CDH13: variants seen among roughly 807,000 people sequenced by gnomAD.
CDH13 encodes the protein cadherin 13.
A neutral mutation model predicts 63.8 loss-of-function variants in CDH13; 24 were observed. That is an observed-to-expected ratio of 0.38 (90% CI 0.27 to 0.53). CDH13 has a LOEUF of 0.53. CDH13 is among the 20% of genes least tolerant of loss of function. CDH13 has a pLI of 0.85. For missense variants in CDH13, 1,049 were observed against 903.1 expected (o/e 1.16, Z -2.07); for synonymous variants, 503 against 355.3 (o/e 1.42, Z -4.67).
chr16:82,821,880 C>G (rs948358173), intron 1 of CDH13, among the ~76,000 whole-genome samples: 4 of 152,196 alleles, frequency 2.6e-5, no homozygotes, highest in Non-Finnish European at 5.9e-5. Flanking sequence ...TGTATGGTCC[C>G]CTTGGACCAT....
At chr16:82,866,598 C>T (rs1364737030) in intron 2 of CDH13, among the ~76,000 whole-genome samples, 1 of 151,802 alleles carries the variant, frequency 6.6e-6, no homozygotes, top group African/African-American at 2.4e-5. Flanking sequence ...CCATGCTGGC[C>T]AGACTGGTCT....
intron 1 of CDH13, among the ~76,000 whole-genome samples, chr16:82,627,679 G>A (rs1370277918): frequency 6.6e-6 from 1 of 152,078 alleles, no homozygotes; most frequent in Admixed American, 6.5e-5. Context: ...CCGCTGGAAG[G>A]CGCCTCGGGG....
intron 3 of CDH13, among the ~76,000 whole-genome samples, chr16:83,080,984 C>G (rs181013576): frequency 7.4e-6 from 1 of 136,010 alleles, no homozygotes; most frequent in Non-Finnish European, 1.5e-5. Flanking sequence ...CAGGTTCAAA[C>G]GATTCCCCTG....
rs571295273 is a variant in CDH13 at position 83,798,619 on chromosome 16, T to G, written c.*3589T>G. On this transcript the variant is annotated 3_prime_UTR_variant, in exon 14 of 14. Coordinates refer to ENST00000567109, the MANE Select transcript of CDH13 (RefSeq NM_001257.5). ...AGGCTATCTGGCTCCAGGGTTCATG[T>G]TCTTCCGACAACATCACAATGCCAC... The G allele has an allele frequency of 5.3e-5, 8 of 152,272 alleles. No individual in the cohort carries two copies. Among genetic ancestry groups the G allele is most frequent in the Admixed American group, 1.3e-4 (2 of 15,290 alleles). The allele number at this position is 152,272 out of a possible 1,614,324, so 9.4% of individuals were successfully genotyped here.
At chr16:82,691,405 A>C (rs1014459265) in intron 1 of CDH13, among the ~76,000 whole-genome samples, 8 of 152,272 alleles carry the variant, frequency 5.3e-5, no homozygotes, top group Middle Eastern at 6.8e-3. Context: ...AAAATCTTCA[A>C]GCTATAGGGG....
At chr16:83,023,587 C>T (rs1396143422) in intron 2 of CDH13, among the ~76,000 whole-genome samples, 1 of 152,180 alleles carries the variant, frequency 6.6e-6, no homozygotes, top group Non-Finnish European at 1.5e-5. Context: ...TCATTCTGAG[C>T]CACCCAGGAA....
chr16:83,106,038 G>C (rs995538392), intron 3 of CDH13, among the ~76,000 whole-genome samples: 4 of 152,232 alleles, frequency 2.6e-5, no homozygotes, highest in Admixed American at 2.6e-4. Flanking sequence ...TTTGTTTCCA[G>C]TGATGATTTT....
chr16:83,596,278 G>A (rs1219684032), intron 7 of CDH13, among the ~76,000 whole-genome samples: 1 of 152,190 alleles, frequency 6.6e-6, no homozygotes, highest in Non-Finnish European at 1.5e-5. Context: ...CAAGGGTGGT[G>A]AGTTTCCTCC....
At chr16:82,968,230 T>C (rs1908150914) in intron 2 of CDH13, among the ~76,000 whole-genome samples, 1 of 152,226 alleles carries the variant, frequency 6.6e-6, no homozygotes, top group Admixed American at 6.5e-5. Flanking sequence ...GTGGGAAGCC[T>C]AACATGCAGT....
chr16:83,260,655 G>T (rs947127528), intron 5 of CDH13, among the ~76,000 whole-genome samples: 3 of 152,160 alleles, frequency 2.0e-5, no homozygotes, highest in Admixed American at 6.5e-5. Context: ...ACACTGAACA[G>T]CAAAGGAAGA....
chr16:83,178,862 C>T (rs1213072160), intron 4 of CDH13, among the ~76,000 whole-genome samples: 1 of 152,118 alleles, frequency 6.6e-6, no homozygotes, highest in Non-Finnish European at 1.5e-5. Context: ...TGAATCCTCC[C>T]AGTGTTTGGT....
intron 3 of CDH13, among the ~76,000 whole-genome samples, chr16:83,071,801 G>A (rs11864323): frequency 0.11 from 17,122 of 152,142 alleles, 1,197 homozygotes; most frequent in African/African-American, 0.19. Flanking sequence ...ATTTGAGACA[G>A]TAGGCATGAC....
At chr16:83,406,308 T>G (rs2092043673) in intron 6 of CDH13, among the ~76,000 whole-genome samples, 1 of 152,180 alleles carries the variant, frequency 6.6e-6, no homozygotes, top group Non-Finnish European at 1.5e-5. Flanking sequence ...TTCTCCTACC[T>G]GCTTCCTGAA....
At chr16:82,912,490 C>T (rs762258983) in intron 2 of CDH13, among the ~76,000 whole-genome samples, 7 of 152,210 alleles carry the variant, frequency 4.6e-5, no homozygotes, top group African/African-American at 9.7e-5. Flanking sequence ...GTAAAACCCT[C>T]TTCTAGGTCA....
chr16:83,029,001 C>G (rs116860786), intron 2 of CDH13, among the ~76,000 whole-genome samples: 5,199 of 152,278 alleles, frequency 0.034, 123 homozygotes, highest in Non-Finnish European at 0.052. Context: ...CAACTTTGCA[C>G]TCCATGAGCC....
intron 6 of CDH13, among the ~76,000 whole-genome samples, chr16:83,371,386 C>A (rs1035807087): frequency 4.6e-5 from 7 of 152,148 alleles, no homozygotes; most frequent in African/African-American, 1.7e-4. Flanking sequence ...ATCCACTATA[C>A]CCCTGCCTTT....
chr16:83,018,151 G>A (rs1412901567), intron 2 of CDH13, among the ~76,000 whole-genome samples: 1 of 152,072 alleles, frequency 6.6e-6, no homozygotes, highest in East Asian at 1.9e-4. Flanking sequence ...TTGCACTATG[G>A]GTGGCTCAGT....
At chr16:83,272,876 C>T (rs900648792) in intron 5 of CDH13, among the ~76,000 whole-genome samples, 5 of 152,136 alleles carry the variant, frequency 3.3e-5, no homozygotes, top group Admixed American at 2.0e-4. Context: ...GGATTTTAGA[C>T]GTGGATTGTA....
Position 82,982,480 on chromosome 16 carries a change from T to A in CDH13, c.158-49530T>A, listed in dbSNP as rs182820379. Among the ~76,000 whole-genome samples the A allele has an allele frequency of 2.0e-5, 3 of 152,322 alleles. No homozygotes were observed. The East Asian group carries it at 5.8e-4, about 29-fold the overall frequency. On this transcript the variant is annotated intron_variant, in intron 2 of 13. Transcript: ENST00000567109. Reference sequence around the variant, plus strand: ...AGAGCCATAGCGGAGAATCTGCTTTTTTGCCTTTTTCCTGTATCCCTTGGC... The same window carrying A: ...AGAGCCATAGCGGAGAATCTGCTTTATTGCCTTTTTCCTGTATCCCTTGGC...
Sources: gnomAD v4.1 joint callset for allele counts (sites outside exome capture counted in the v4.1 genomes callset) on GRCh38, gnomAD v4.1.1 for gene constraint, MANE v1.5 for transcripts, NCBI Gene and HGNC (gene_info 2026-07-23, HGNC 2026-07-21) for gene names.